Variants in MYO1F observed in about 807,000 individuals in gnomAD.
MYO1F encodes the protein unconventional myosin-If.
A neutral mutation model predicts 146.6 loss-of-function variants in MYO1F; 60 were observed. The ratio of observed to expected loss-of-function variants is 0.41; its 90% CI spans 0.33 to 0.51. MYO1F has a LOEUF of 0.51. Ranked by LOEUF, MYO1F falls within the 20% of genes least tolerant of loss-of-function variation. The pLI is 0.25. For missense variants in MYO1F, 1,274 were observed against 1,534.3 expected (o/e 0.83, Z 2.83); for synonymous variants, 602 against 602.1 (o/e 1.00, Z 0.00).
chr19:8,575,560 G>A (rs186313399), intron 1 of MYO1F, among the ~76,000 whole-genome samples: 47 of 152,146 alleles, frequency 3.1e-4, no homozygotes, highest in African/African-American at 1.1e-3. Context: ...GTTTCTAACA[G>A]ACAGACCATG....
intron 14 of MYO1F, chr19:8,544,036 CGGTGCTGGTGG>C (rs1973219195): frequency 7.0e-5 from 19 of 270,296 alleles, no homozygotes; most frequent in Non-Finnish European, 1.0e-4. Flanking sequence ...GTGGCGGTGG[CGGTGCTGGTGG>C]TGGTGGTGGT....
At chr19:8,547,633 T>C (rs1452866859) in intron 12 of MYO1F, among the ~76,000 whole-genome samples, 1 of 151,636 alleles carries the variant, frequency 6.6e-6, no homozygotes, top group Non-Finnish European at 1.5e-5. Context: ...CCTGACTTAC[T>C]TCCTCAGTCT....
chr19:8,562,401 G>A (rs1974181558), intron 1 of MYO1F, among the ~76,000 whole-genome samples: 1 of 152,112 alleles, frequency 6.6e-6, no homozygotes, highest in Admixed American at 6.6e-5. Flanking sequence ...TCGAACTCCT[G>A]GGCCCAAGCA....
intron 6 of MYO1F, 141 bp from the exon 7 acceptor site, chr19:8,552,305 C>CTGGG (rs1973647779): frequency 4.1e-6 from 4 of 969,920 alleles, no homozygotes; most frequent in African/African-American, 1.6e-5. Context: ...GTTGCTCAGG[C>CTGGG]TGGGATTCAG....
chr19:8,535,685 CTT>C (rs543450885), intron 19 of MYO1F, among the ~76,000 whole-genome samples: 2 of 145,708 alleles, frequency 1.4e-5, no homozygotes, highest in African/African-American at 2.5e-5. Context: ...TTCTTTCTTT[CTT>C]TTTTTTTTTT....
chr19:8,527,065 A>G, intron 22 of MYO1F, 130 bp from the exon 23 acceptor site: 7 of 1,250,424 alleles, frequency 5.6e-6, no homozygotes, highest in Non-Finnish European at 7.9e-6. Flanking sequence ...GTGACCAGGT[A>G]GGAGAAAAAG....
At chr19:8,534,872 G>A (rs184782256) in intron 19 of MYO1F, among the ~76,000 whole-genome samples, 26 of 151,286 alleles carry the variant, frequency 1.7e-4, no homozygotes, top group Non-Finnish European at 2.9e-4. Context: ...TGATCCACTC[G>A]CCTCGGCTTC....
intron 19 of MYO1F, among the ~76,000 whole-genome samples, chr19:8,533,110 C>T (rs1426247722): frequency 6.6e-6 from 1 of 152,044 alleles, no homozygotes; most frequent in Non-Finnish European, 1.5e-5. Context: ...GGCTGGAGTG[C>T]AGTGGTGCGA....
intron 1 of MYO1F, among the ~76,000 whole-genome samples, chr19:8,573,671 G>A (rs926541642): frequency 3.3e-5 from 5 of 152,200 alleles, no homozygotes; most frequent in South Asian, 2.1e-4. Flanking sequence ...CCAACATGGC[G>A]AAACCCCGTC....
chr19:8,532,351 A>G (rs1972519843), intron 19 of MYO1F, among the ~76,000 whole-genome samples: 1 of 152,178 alleles, frequency 6.6e-6, no homozygotes, highest in Non-Finnish European at 1.5e-5. Context: ...GAATTACATT[A>G]CAGCAAGTCA....
At position 8,554,756 on chromosome 19, in the gene MYO1F, T is replaced by C; in HGVS notation, c.142-13A>G. 1 of 1,613,096 alleles carries C rather than the reference T, an allele frequency of 6.2e-7. No homozygotes were observed. The highest frequency in any genetic ancestry group is 8.5e-7 in the Non-Finnish European group (1 of 1,179,178). On this transcript the variant is annotated splice_polypyrimidine_tract_variant and intron_variant, in intron 2 of 27. Transcript: ENST00000644032. ...AGCCGATGTAGGTCTGAGGGATGGT[T>C]AAGGGTCGTGTGGTGTCCTGGTAGG...
At chr19:8,561,451 C>T (rs1974116977) in intron 1 of MYO1F, among the ~76,000 whole-genome samples, 1 of 119,088 alleles carries the variant, frequency 8.4e-6, no homozygotes, top group African/African-American at 3.5e-5. Context: ...TTCCTTCCTC[C>T]CTCTCTCCCT....
At position 8,559,820 on chromosome 19, in the gene MYO1F, C is replaced by A. The variant is rs1363737773; in HGVS notation, c.4-4024G>T. Among the ~76,000 whole-genome samples the A allele has an allele frequency of 2.0e-5, 3 of 152,000 alleles. No individual in the cohort carries two copies. The East Asian group carries it at 5.8e-4, about 30-fold the overall frequency. ...CAAAAATTAGCTGGGCGTGGTGGCG[C>A]ACGCCTGTAATCCCAGCTACTCGGG... On this transcript the variant is annotated intron_variant, in intron 1 of 27. Transcript: ENST00000644032.
At chr19:8,521,925 G>C (rs896962806) in intron 27 of MYO1F, among the ~76,000 whole-genome samples, 43 of 152,116 alleles carry the variant, frequency 2.8e-4, no homozygotes, top group Non-Finnish European at 1.6e-4. Flanking sequence ...AAAGTGCTGG[G>C]ATTACAGGTA....
chr19:8,557,581 C>T (rs987965911), intron 1 of MYO1F, among the ~76,000 whole-genome samples: 6 of 152,148 alleles, frequency 3.9e-5, no homozygotes, highest in Admixed American at 6.6e-5. Flanking sequence ...GGATTATAGG[C>T]GTAAGCTACT....
intron 15 of MYO1F, 41 bp downstream of exon 15, chr19:8,541,865 G>A (rs754136267): frequency 2.6e-6 from 4 of 1,565,398 alleles, no homozygotes; most frequent in South Asian, 1.1e-5. Context: ...CATCCCCTTG[G>A]GGGGTTGTAG....
chr19:8,551,445 G>A (rs1021699675), intron 8 of MYO1F: 189 of 351,926 alleles, frequency 5.4e-4, no homozygotes, highest in Admixed American at 2.0e-3. Context: ...TCCACCTCCC[G>A]TTTTCAAGCA....
In MYO1F at chr19:8,574,166, A is replaced by G. The variant is rs75027791; in HGVS notation, c.3+3141T>C. Among the ~76,000 whole-genome samples the G allele has an allele frequency of 9.9e-5, 15 of 151,878 alleles. No homozygotes were observed. In the East Asian group the frequency reaches 2.9e-3, roughly 29 times the overall value. On this transcript the variant is annotated intron_variant, in intron 1 of 27. Transcript: ENST00000644032. ...CACCAACGAACAACATTAAACACCA[A>G]CCGCCACCACCACCAGCCCACCTGC...
chr19:8,542,357 C>T (rs1274165334), intron 14 of MYO1F, among the ~76,000 whole-genome samples: 3 of 47,430 alleles, frequency 6.3e-5, no homozygotes, highest in South Asian at 4.9e-4. Flanking sequence ...TGCAGCCTGG[C>T]GGGGGGGTCC....
Sources: allele counts gnomAD v4.1 joint callset (sites outside exome capture counted in the v4.1 genomes callset), GRCh38; gene constraint gnomAD v4.1.1; transcripts MANE v1.5; gene names NCBI Gene and HGNC (gene_info 2026-07-23, HGNC 2026-07-21).